Variants in HNRNPUL2 observed in about 807,000 individuals in gnomAD.
The protein encoded by HNRNPUL2 is heterogeneous nuclear ribonucleoprotein U like 2, also known as heterogeneous nuclear ribonucleoprotein U-like protein 2.
In HNRNPUL2, 27 loss-of-function variants were observed where a neutral mutation model predicts 102.2. The ratio of observed to expected loss-of-function variants is 0.26; its 90% CI spans 0.19 to 0.36. The LOEUF (loss-of-function observed/expected upper bound fraction) is 0.36. HNRNPUL2 is among the 10% of genes least tolerant of loss of function. The pLI is 1.00. For synonymous variants in HNRNPUL2, 458 were observed against 387.2 expected, an observed-to-expected ratio of 1.18 and a Z score of -2.15; for missense variants, 936 against 981.1, an observed-to-expected ratio of 0.95 and a Z score of 0.61.
At chr11:62,724,158 G>T in intron 2 of HNRNPUL2, 133 bp downstream of exon 2, 1 of 1,257,138 alleles carries the variant, frequency 8.0e-7, no homozygotes. Context: ...CATGGTAGAT[G>T]CAATCTAAAA....
rs1041188740 is a variant in HNRNPUL2 at position 62,727,166 on chromosome 11, C to G, written c.-10G>C. 3 of 1,422,674 alleles carry G rather than the reference C, an allele frequency of 2.1e-6. No homozygotes were observed. The highest frequency in any genetic ancestry group is 2.8e-5 in the South Asian group (2 of 72,516). The allele number at this position is 1,422,674 out of a possible 1,614,324, so 88.1% of individuals were successfully genotyped here. A position where few individuals can be genotyped will look rare whatever the true frequency, so the allele number is the denominator to read the frequency against. ...GCCGCTTCACCTCCATCGCCGCCGC[C>G]GCCTCCTCCGCCTCCCGCCGCCTCC... On this transcript the variant is annotated 5_prime_UTR_variant, in exon 1 of 14. Transcript: ENST00000301785.
chr11:62,719,514 CATTT>C (rs1163947346), intron 10 of HNRNPUL2, among the ~76,000 whole-genome samples: 2 of 152,290 alleles, frequency 1.3e-5, no homozygotes, highest in African/African-American at 4.8e-5. Context: ...TCTGTTCATT[CATTT>C]ATCTACAAGT....
rs997636733 is a variant in HNRNPUL2 at position 62,724,273 on chromosome 11, A to C, written c.674+18T>G. 15 of 1,613,906 alleles carry C rather than the reference A, an allele frequency of 9.3e-6. No homozygotes were observed. Among genetic ancestry groups the C allele is most frequent in the African/African-American group, 2.7e-5 (2 of 74,918 alleles). ...CAGAGCAGACACTCCCTTCAACGAA[A>C]GGGACTGTTTCCCTCACCGGCTGTG... On this transcript the variant is annotated intron_variant, in intron 2 of 13. Coordinates refer to ENST00000301785, the MANE Select transcript of HNRNPUL2 (RefSeq NM_001079559.3).
At chr11:62,718,427 G>A (rs182797818) in intron 10 of HNRNPUL2, among the ~76,000 whole-genome samples, 4 of 152,154 alleles carry the variant, frequency 2.6e-5, no homozygotes, top group Admixed American at 6.5e-5. Context: ...GCGGCCAGGC[G>A]CAGTGGCACA....
At position 62,717,066 on chromosome 11, in the gene HNRNPUL2, G is replaced by T. The variant is rs1443267614; in HGVS notation, c.1904C>A (p.Pro635His). The T allele has an allele frequency of 2.5e-6, 4 of 1,614,158 alleles. No homozygotes were observed. The highest frequency in any genetic ancestry group is 1.7e-5 in the Admixed American group (1 of 60,016). ...TCGGCGATTTGTCCGCTTCTCGGAG[G>T]GGGGCAGAAGCTTCCTTGCCTCCTC... ...YKEEARKLLP[P>H]SEKRTNRRNN... Residue 635 changes from proline to histidine, a missense_variant, in exon 11 of 14, where the codon CCC becomes CAC. Pro to His is a moderately conservative substitution (Grantham distance 77). Around this residue, in one of 2 missense-constraint regions of HNRNPUL2, gnomAD observed 609 missense variants for 713.0 expected, o/e 0.85. Coordinates refer to ENST00000301785, the MANE Select transcript of HNRNPUL2 (RefSeq NM_001079559.3).
In HNRNPUL2 at chr11:62,715,186, G is replaced by A. The variant is rs891147103; in HGVS notation, c.*113C>T. ...CCCTCCCCCCCCACCACCCCTCCCC[G>A]GCAGCTCAGCCCCACCCCGACAGCC... On this transcript the variant is annotated 3_prime_UTR_variant, in exon 14 of 14. Coordinates refer to ENST00000301785, the MANE Select transcript of HNRNPUL2 (RefSeq NM_001079559.3). 8 of 31,236 alleles carry A rather than the reference G, an allele frequency of 2.6e-4. No individual in the cohort carries two copies. Among genetic ancestry groups the A allele is most frequent in the South Asian group, 1.1e-3 (3 of 2,796 alleles). The allele number at this position is 31,236 out of a possible 1,614,324, so 1.9% of individuals were successfully genotyped here. A position where few individuals can be genotyped will look rare whatever the true frequency, so the allele number is the denominator to read the frequency against.
chr11:62,715,697 G>C (rs924172275), intron 12 of HNRNPUL2, 90 bp from the exon 13 acceptor site: 2 of 1,134,532 alleles, frequency 1.8e-6, no homozygotes, highest in African/African-American at 3.1e-5. Context: ...ACACATCTTA[G>C]CTCGATATTA....
chr11:62,726,613 C>T lies in HNRNPUL2; in HGVS notation c.538+6G>A. The T allele has an allele frequency of 6.4e-7, 1 of 1,570,980 alleles. No individual in the cohort carries two copies. Among genetic ancestry groups the T allele is most frequent in the Non-Finnish European group, 8.6e-7 (1 of 1,165,268 alleles). The stretch of plus-strand genomic sequence containing the variant: ...TTGGAGCCGGGCTCGGCTGCCAGCT[C>T]CTCACCCTGTTCCTCGGCGGCCTTG... On this transcript the variant is annotated splice_donor_region_variant and intron_variant, in intron 1 of 13. Transcript: ENST00000301785.
Position 62,722,296 on chromosome 11 carries a change from G to A in HNRNPUL2, c.1180C>T (p.Leu394=), listed in dbSNP as rs557571395. 1 of 1,614,148 alleles carries A rather than the reference G, an allele frequency of 6.2e-7. No individual in the cohort carries two copies. Among genetic ancestry groups the A allele is most frequent in the African/African-American group, 1.3e-5 (1 of 75,052 alleles). The stretch of plus-strand genomic sequence containing the variant: ...TGGGGTAGAAGGGCCCGGTCTGCCA[G>A]GGAATCCTTGCTGATCCAGAATGCC... ...GVAFWISKDS[L]ADRALLPHVL... The change falls in exon 7 of 14, where the codon CTG becomes TTG. Residue 394 remains leucine (L), a synonymous_variant. Coordinates refer to ENST00000301785, the MANE Select transcript of HNRNPUL2 (RefSeq NM_001079559.3).
At chr11:62,723,463 C>G in intron 4 of HNRNPUL2, 124 bp downstream of exon 4, 2 of 1,042,250 alleles carry the variant, frequency 1.9e-6, no homozygotes, top group Non-Finnish European at 2.8e-6. Flanking sequence ...TGGACTCCAG[C>G]CTGGGTAACA....
chr11:62,726,598 G>A, intron 1 of HNRNPUL2, 21 bp downstream of exon 1: 1 of 1,522,502 alleles, frequency 6.6e-7, no homozygotes. Flanking sequence ...TTGGAGCCGG[G>A]CTCGGCTGCC....
Position 62,717,186 on chromosome 11 carries a change from T to C in HNRNPUL2, c.1784A>G (p.Asn595Ser). ...PESIMLEMKA[N>S]FSLPEKCDYM... ...GTCGCATTTTTCAGGCAAAGAGAAG[T>C]TGGCTATAAGAGTAAGAGAGAAGCT... The change falls in exon 11 of 14, where the codon AAC becomes AGC. Residue 595 changes from asparagine (N) to serine (S), a missense_variant. By Grantham distance (46) the Asn-to-Ser change is conservative (BLOSUM62 1). This residue lies in a region of HNRNPUL2 where 609 missense variants were observed against 713.0 expected (regional missense o/e 0.85). Coordinates refer to ENST00000301785, the MANE Select transcript of HNRNPUL2 (RefSeq NM_001079559.3). The C allele has an allele frequency of 6.2e-7, 1 of 1,613,570 alleles. No individual in the cohort carries two copies. Among genetic ancestry groups the C allele is most frequent in the Non-Finnish European group, 8.5e-7 (1 of 1,179,840 alleles).
Position 62,727,139 on chromosome 11 carries a change from C to A in HNRNPUL2, c.18G>T (p.Leu6=), listed in dbSNP as rs1392403819. The change falls in exon 1 of 14, where the codon CTG becomes CTT. Residue 6 remains leucine, a synonymous_variant. Transcript: ENST00000301785. ...GCTCCGACCGCAGCTCGGTCACTTT[C>A]AGCCGCTTCACCTCCATCGCCGCCG... MEVKR[L]KVTELRSELQ... 2.8e-6 allele frequency: 4 copies of A among 1,446,570 alleles called. No individual in the cohort carries two copies. Among genetic ancestry groups the A allele is most frequent in the African/African-American group, 3.0e-5 (2 of 67,504 alleles). 89.6% of individuals were successfully genotyped at this position (1,446,570 alleles called of 1,614,324 possible).
At position 62,726,844 on chromosome 11, in the gene HNRNPUL2, G is replaced by C. The variant is rs1013869528; in HGVS notation, c.313C>G (p.Gln105Glu). The C allele has an allele frequency of 1.3e-6, 2 of 1,589,294 alleles. No individual in the cohort carries two copies. The highest frequency in any genetic ancestry group is 1.7e-6 in the Non-Finnish European group (2 of 1,174,982). Residue 105 changes from glutamine (Q) to glutamate (E), a missense_variant, in exon 1 of 14, where the codon CAG (glutamine) becomes GAG (glutamate). By Grantham distance (29) the Gln-to-Glu change is conservative (BLOSUM62 2). Transcript: ENST00000301785. Reference protein sequence around the residue: ...EEPPPAQALGQAAQPPPEPPE... With the variant: ...EEPPPAQALGEAAQPPPEPPE... ...GGCTCCGGCGGCGGCTGCGCGGCCTGACCCAAGGCTTGAGCAGGGGGTGGC... is the reference window on the plus strand; with the variant it reads ...GGCTCCGGCGGCGGCTGCGCGGCCTCACCCAAGGCTTGAGCAGGGGGTGGC...
At position 62,715,877 on chromosome 11, in the gene HNRNPUL2, G is replaced by C; in HGVS notation, c.2042C>G (p.Pro681Arg). ...RAYGQQYWGQ[P>R]GNRGGYRNFY... ...AGCTGCACTCACCCCTCTGTTTCCA[G>C]GCTGCCCCCAGTACTGCTGCCCGTA... Residue 681 changes from proline to arginine, a missense_variant, in exon 12 of 14, where the codon CCT becomes CGT. Physicochemically the swap from Pro to Arg is moderately radical, Grantham distance 103 (BLOSUM62 -2). Transcript: ENST00000301785. 6.2e-7 allele frequency: 1 copy of C among 1,613,970 alleles called. No individual in the cohort carries two copies. The highest frequency in any genetic ancestry group is 8.5e-7 in the Non-Finnish European group (1 of 1,179,942).
At chr11:62,717,356 T>C (rs1035964497) in intron 10 of HNRNPUL2, among the ~76,000 whole-genome samples, 167 bp from the exon 11 acceptor site, 1 of 152,220 alleles carries the variant, frequency 6.6e-6, no homozygotes, top group African/African-American at 2.4e-5. Flanking sequence ...CATTAACTTT[T>C]TCTACTCTAA....
chr11:62,717,334 T>A (rs2083668391), intron 10 of HNRNPUL2, 145 bp from the exon 11 acceptor site: 1 of 636,324 alleles, frequency 1.6e-6, no homozygotes, highest in Admixed American at 3.0e-5. Context: ...CCCACTCGCA[T>A]CTAAATAATG....
chr11:62,723,756 C>T, intron 3 of HNRNPUL2, 30 bp from the exon 4 acceptor site: 1 of 1,613,790 alleles, frequency 6.2e-7, no homozygotes, highest in Non-Finnish European at 8.5e-7. Flanking sequence ...CAGTTTACTC[C>T]AATGTCCAAT....
chr11:62,725,339 C>T (rs2083737175), intron 1 of HNRNPUL2, among the ~76,000 whole-genome samples: 1 of 152,034 alleles, frequency 6.6e-6, no homozygotes, highest in Non-Finnish European at 1.5e-5. Context: ...CTGGGATTAC[C>T]GGCACCCGCC....
Sources: gnomAD v4.1 joint callset for allele counts (sites outside exome capture counted in the v4.1 genomes callset) on GRCh38, gnomAD v4.1.1 for gene constraint, gnomAD v4.1.1 regional missense constraint, MANE v1.5 for transcripts, NCBI Gene and HGNC (gene_info 2026-07-23, HGNC 2026-07-21) for gene names.